POLR2J2: variants seen among roughly 807,000 people sequenced by gnomAD.
The protein encoded by POLR2J2 is DNA-directed RNA polymerase II subunit RPB11-b1.
In POLR2J2, 3 loss-of-function variants were observed where a neutral mutation model predicts 2.8. The ratio of observed to expected loss-of-function variants is 1.05; its 90% CI spans 0.48 to 2.72. POLR2J2 has a LOEUF of 2.72. Ranked by LOEUF, POLR2J2 falls within the 30% of genes most tolerant of loss-of-function variation. The pLI, the probability that POLR2J2 is intolerant of heterozygous loss-of-function variation, is 0.04. For missense variants in POLR2J2, 9 were observed against 27.8 expected, an observed-to-expected ratio of 0.32 and a Z score of 1.52; for synonymous variants, 4 against 10.9, an observed-to-expected ratio of 0.37 and a Z score of 1.25.
intron 2 of POLR2J2, among the ~76,000 whole-genome samples, chr7:102,668,203 C>CA (rs1378039109): frequency 1.6e-5 from 1 of 60,640 alleles, no homozygotes; most frequent in African/African-American, 6.7e-5. Flanking sequence ...TAGTCTCTGC[C>CA]ACATACATCT....
intron 2 of POLR2J2, among the ~76,000 whole-genome samples, chr7:102,667,837 G>A (rs1487719281): frequency 1.3e-5 from 2 of 152,156 alleles, no homozygotes; most frequent in Admixed American, 6.5e-5. Flanking sequence ...TGCATAGGTG[G>A]CAACACTGAG....
intron 2 of POLR2J2, among the ~76,000 whole-genome samples, chr7:102,667,784 C>T (rs1458893277): frequency 6.6e-6 from 1 of 152,302 alleles, no homozygotes; most frequent in Non-Finnish European, 1.5e-5. Flanking sequence ...GGGGTCTCCT[C>T]TAGAGCGGCT....
At chr7:102,671,651 C>T, upstream of POLR2J2, 3 of 874,404 alleles carry the variant, frequency 3.4e-6, 1 homozygote, top group South Asian at 4.5e-5. Context: ...ACCGCCGCCA[C>T]CAGAGCCCTA....
chr7:102,668,967 A>C (rs775501510), exon 2 of POLR2J2: 1 of 503,080 alleles, frequency 2.0e-6, no homozygotes, highest in South Asian at 2.0e-5. Context: ...GTGAATAAGC[A>C]GGCCTTGGGT....
At chr7:102,669,189 AC>A (rs1452373071) in intron 1 of POLR2J2, among the ~76,000 whole-genome samples, 185 bp from the exon 2 acceptor site, 3 of 7,958 alleles carry the variant, frequency 3.8e-4, no homozygotes, top group African/African-American at 6.9e-4. Context: ...ACATGGCAAA[AC>A]CCTGTCTGTA....
At chr7:102,668,013 AGCCAAGTCTACAGTAAAAT>A (rs1320741974) in intron 2 of POLR2J2, among the ~76,000 whole-genome samples, 1 of 150,176 alleles carries the variant, frequency 6.7e-6, no homozygotes, top group East Asian at 2.0e-4. Context: ...CAGAGGGAAG[AGCCAAGTCTACAGTAAAAT>A]GGCAAGTCCC....
chr7:102,671,469 G>A lies in POLR2J2; in HGVS notation c.50+83C>T, dbSNP rs1792083365. On this transcript the variant is annotated intron_variant, in intron 1 of 2. Coordinates refer to ENST00000358438, the Ensembl canonical transcript of POLR2J2. ...CAAGCAAAAGCTGTTTCCCTCCCGG[G>A]GCAAGAGATGGGCAGGAGACACCCC... 2 of 865,658 alleles carry A rather than the reference G, an allele frequency of 2.3e-6. 1 individual carries two copies. The highest frequency in any genetic ancestry group is 3.3e-6 in the Non-Finnish European group (2 of 608,428). The allele number at this position is 865,658 out of a possible 1,614,324, so 53.6% of individuals were successfully genotyped here. A position where few individuals can be genotyped will look rare whatever the true frequency, so the allele number is the denominator to read the frequency against.
chr7:102,667,349 T>C, intron 2 of POLR2J2, 85 bp from the exon 3 acceptor site: 1 of 93,312 alleles, frequency 1.1e-5, no homozygotes, highest in Non-Finnish European at 2.1e-5. Context: ...GAACAGACTT[T>C]CTAGCCAAAA....
In POLR2J2 at chr7:102,667,677, A is replaced by C. The variant is rs1488646254; in HGVS notation, c.141-413T>G. Among the ~76,000 whole-genome samples the C allele has an allele frequency of 2.6e-5, 4 of 152,376 alleles. No homozygotes were observed. In the East Asian group the frequency reaches 5.8e-4, roughly 22 times the overall value. On this transcript the variant is annotated intron_variant, in intron 2 of 2. Coordinates refer to ENST00000358438, the Ensembl canonical transcript of POLR2J2. ...CCGGCAGTGAGTGGAATGCAAATGG[A>C]ACTCTGCCCTCCGAGCAGCACAGCC...
At position 102,671,432 on chromosome 7, in the gene POLR2J2, C is replaced by T. The variant is rs1418401733; in HGVS notation, c.50+120G>A. On this transcript the variant is annotated intron_variant, in intron 1 of 2. Transcript: ENST00000358438. Reference sequence around the variant, plus strand: ...GGCCTTAAATTTGGCTGACACAGGCCGAGCAGACGATCAAGCAAAAGCTGT... The same window carrying T: ...GGCCTTAAATTTGGCTGACACAGGCTGAGCAGACGATCAAGCAAAAGCTGT... 28 of 750,806 alleles carry T rather than the reference C, an allele frequency of 3.7e-5. 9 individuals are homozygous for T. The highest frequency in any genetic ancestry group is 1.1e-4 in the African/African-American group (6 of 52,444). The allele number at this position is 750,806 out of a possible 1,614,324, so 46.5% of individuals were successfully genotyped here.
chr7:102,667,973 C>CG (rs1297338788), intron 2 of POLR2J2, among the ~76,000 whole-genome samples: 3 of 150,546 alleles, frequency 2.0e-5, no homozygotes, highest in African/African-American at 7.3e-5. Flanking sequence ...CACTCACAGA[C>CG]GGGGAAAAGC....
intron 1 of POLR2J2, 196 bp downstream of exon 1, chr7:102,671,356 C>G: frequency 4.9e-6 from 2 of 405,078 alleles, no homozygotes; most frequent in Non-Finnish European, 6.4e-6. Context: ...GCCTCCAAGC[C>G]TCAGTGTCCT....
At chr7:102,667,929 C>T (rs1407386451) in intron 2 of POLR2J2, among the ~76,000 whole-genome samples, 4 of 149,150 alleles carry the variant, frequency 2.7e-5, no homozygotes, top group African/African-American at 9.7e-5. Flanking sequence ...CCTCCATCCC[C>T]GTGCCTGACC....
intron 1 of POLR2J2, 65 bp from the exon 2 acceptor site, chr7:102,669,069 C>A: frequency 4.6e-6 from 1 of 216,948 alleles, no homozygotes; most frequent in South Asian, 2.9e-5. Flanking sequence ...TGAGTCTAAA[C>A]CCTGTCTCCT....
rs1344985743 is a variant in POLR2J2, at chr7:102,666,560, C to CA, written c.*367dup. 215 of 34,770 alleles carry CA rather than the reference C, an allele frequency of 6.2e-3. 1 individual carries two copies. Among genetic ancestry groups the CA allele is most frequent in the South Asian group, 0.033 (22 of 676 alleles). 2.2% of individuals were successfully genotyped at this position (34,770 alleles called of 1,614,324 possible). ...TAGCTGGGACTACAGCACATGCCAC[C>CA]ATGCCTAGCTAATTTTTGTATTTTT... is the stretch of plus-strand genomic sequence containing the variant. On this transcript the variant is annotated 3_prime_UTR_variant, in exon 3 of 3. Transcript: ENST00000358438.
chr7:102,667,815 A>G (rs1437466213), intron 2 of POLR2J2, among the ~76,000 whole-genome samples: 1 of 152,386 alleles, frequency 6.6e-6, no homozygotes, highest in East Asian at 1.9e-4. Flanking sequence ...TGAGCACCAC[A>G]AGGGGGACCC....
At chr7:102,667,953 G>A (rs1404176548) in intron 2 of POLR2J2, among the ~76,000 whole-genome samples, 1 of 150,204 alleles carries the variant, frequency 6.7e-6, no homozygotes, top group African/African-American at 2.4e-5. Context: ...CCAGGAGACT[G>A]GGCAGACCCC....
intron 2 of POLR2J2, among the ~76,000 whole-genome samples, chr7:102,668,634 AAG>A (rs1346376844): frequency 3.0e-5 from 3 of 100,846 alleles, no homozygotes; most frequent in African/African-American, 6.7e-5. Context: ...CTGGGCAACA[AAG>A]AGAGAAAATT....
In POLR2J2 at chr7:102,668,928, T is replaced by C. The variant is rs144763552; in HGVS notation, c.127A>G (p.Asn43Asp). 97 of 546,834 alleles carry C rather than the reference T, an allele frequency of 1.8e-4. 33 individuals carry two copies. The African/African-American group carries it at 2.4e-3, about 13-fold the overall frequency. The allele number at this position is 546,834 out of a possible 1,614,324, so 33.9% of individuals were successfully genotyped here. A position where few individuals can be genotyped will look rare whatever the true frequency, so the allele number is the denominator to read the frequency against. ...CGGGAAACTTACGATTTAATGATGT[T>C]TCCCAGTGTGTGGTCTTCTTTGTTG... The change falls in exon 2 of 3, where the codon AAC becomes GAC. Residue 43 changes from asparagine to aspartate, a missense_variant. Asn to Asp is a conservative substitution (Grantham distance 23). Transcript: ENST00000358438.
Sources: gnomAD v4.1 joint callset for allele counts (sites outside exome capture counted in the v4.1 genomes callset) on GRCh38, gnomAD v4.1.1 for gene constraint, MANE v1.5 for transcripts, NCBI Gene and HGNC (gene_info 2026-07-23, HGNC 2026-07-21) for gene names.